Variants in LMO7 observed in about 807,000 individuals in gnomAD.
LMO7 encodes the protein LIM domain only protein 7.
A neutral mutation model predicts 206.5 loss-of-function variants in LMO7; 120 were observed. The ratio of observed to expected loss-of-function variants is 0.58; its 90% CI spans 0.50 to 0.68. The LOEUF is 0.68. Among genes scored for constraint, LMO7 ranks in the 30% least tolerant of loss-of-function variants. The probability of loss-of-function intolerance (pLI) is 0.00; values close to 1 mark genes in which losing one functional copy is unlikely to be tolerated. For synonymous variants in LMO7, 706 were observed against 681.5 expected (o/e 1.04, Z -0.56); for missense variants, 1,959 against 1,957.9 (o/e 1.00, Z -0.01).
intron 2 of LMO7, among the ~76,000 whole-genome samples, chr13:75,715,083 A>G (rs1368692728): frequency 6.6e-6 from 1 of 152,212 alleles, no homozygotes; most frequent in African/African-American, 2.4e-5. Context: ...TATTGCCCAT[A>G]ATATTTTAGG....
intron 2 of LMO7, among the ~76,000 whole-genome samples, chr13:75,626,340 G>A (rs1250107608): frequency 4.0e-5 from 6 of 151,662 alleles, no homozygotes; most frequent in Admixed American, 1.3e-4. Context: ...TCCTTACATG[G>A]TGGCAGCAAG....
At chr13:75,847,029 CAAA>C (rs34127474) in intron 26 of LMO7, among the ~76,000 whole-genome samples, 12 of 112,432 alleles carry the variant, frequency 1.1e-4, no homozygotes, top group Non-Finnish European at 1.1e-4. Flanking sequence ...GACTCTGTCT[CAAA>C]AAAAAAAAAA....
chr13:75,819,258 A>C (rs2057348298), intron 12 of LMO7, 135 bp from the exon 13 acceptor site: 1 of 1,104,078 alleles, frequency 9.1e-7, no homozygotes, highest in Admixed American at 2.9e-5. Flanking sequence ...TATAAAAAGC[A>C]AAATTAGGGC....
At chr13:75,738,048 T>G (rs1045798469) in intron 3 of LMO7, among the ~76,000 whole-genome samples, 1 of 151,986 alleles carries the variant, frequency 6.6e-6, no homozygotes, top group Admixed American at 6.6e-5. Context: ...GACAGTCGTC[T>G]TGGCCAAATG....
chr13:75,857,118 G>A (rs1299131753), intron 30 of LMO7: 1 of 152,196 alleles, frequency 6.6e-6, no homozygotes, highest in Non-Finnish European at 1.5e-5. Flanking sequence ...AATTTTAAAA[G>A]GAAAGTATTA....
chr13:75,632,146 A>G (rs2035031958), upstream of LMO7: 1 of 152,182 alleles, frequency 6.6e-6, no homozygotes, highest in African/African-American at 2.4e-5. Flanking sequence ...TATTGTTGTG[A>G]ATTTCATCTC....
intron 1 of LMO7, among the ~76,000 whole-genome samples, chr13:75,642,103 C>A (rs2036595396): frequency 6.6e-6 from 1 of 152,148 alleles, no homozygotes; most frequent in Non-Finnish European, 1.5e-5. Context: ...CTGATTTACA[C>A]AAATAGGAAC....
rs1335496859 is a variant in LMO7 at position 75,858,753 on chromosome 13, T to G, written c.*810T>G. The G allele has an allele frequency of 1.3e-5, 2 of 152,594 alleles. No individual in the cohort carries two copies. 9.5% of individuals were successfully genotyped at this position (152,594 alleles called of 1,614,324 possible). Reference sequence around the variant, plus strand: ...AGCCATATTTCAGTATGTGGCCTTTTTTGATGTTATGTTTTATCCAGTAGC... The same window carrying G: ...AGCCATATTTCAGTATGTGGCCTTTGTTGATGTTATGTTTTATCCAGTAGC... On this transcript the variant is annotated 3_prime_UTR_variant, in exon 31 of 31. Transcript: ENST00000377534.
chr13:75,796,619 A>AT lies in LMO7; in HGVS notation c.349-4dup, dbSNP rs11351364. 51,511 of 1,232,622 alleles carry AT rather than the reference A, an allele frequency of 0.042. 52 individuals are homozygous for AT. The highest frequency in any genetic ancestry group is 0.058 in the African/African-American group (3,811 of 65,996). 76.4% of individuals were successfully genotyped at this position (1,232,622 alleles called of 1,614,324 possible). A position where few individuals can be genotyped will look rare whatever the true frequency, so the allele number is the denominator to read the frequency against. On this transcript the variant is annotated splice_polypyrimidine_tract_variant and intron_variant, in intron 5 of 30. Transcript: ENST00000377534. Reference sequence around the variant, plus strand: ...AATCGACTGATCTTGTTGTTCATGGATTTTTTTTTTTTTAAGGTTTTGATA... The same window carrying AT: ...AATCGACTGATCTTGTTGTTCATGGATTTTTTTTTTTTTTAAGGTTTTGATA...
At chr13:75,670,889 A>G (rs2039502796) in intron 1 of LMO7, among the ~76,000 whole-genome samples, 1 of 151,534 alleles carries the variant, frequency 6.6e-6, no homozygotes, top group Admixed American at 6.6e-5. Context: ...ACACTTAAAA[A>G]CACATTGGCC....
Position 75,777,149 on chromosome 13 carries a change from G to A in LMO7, c.317+16111G>A, listed in dbSNP as rs924408044. Among the ~76,000 whole-genome samples, 13 of 151,804 alleles carry A rather than the reference G, an allele frequency of 8.6e-5. No individual in the cohort carries two copies. In the Middle Eastern group the frequency reaches 9.5e-3, roughly 111 times the overall value. On this transcript the variant is annotated intron_variant, in intron 4 of 30. Transcript: ENST00000377534. ...TCAGCTGGCAATGGACTTGAATGAG[G>A]ACACTGTTTTATTTCTTTTTTTTCT...
chr13:75,758,910 T>G (rs748182047), intron 3 of LMO7, among the ~76,000 whole-genome samples: 1 of 152,216 alleles, frequency 6.6e-6, no homozygotes, highest in Non-Finnish European at 1.5e-5. Context: ...ATATGAGACT[T>G]GCATCCTGTG....
At chr13:75,783,617 C>T (rs147967708) in intron 4 of LMO7, among the ~76,000 whole-genome samples, 113 of 152,306 alleles carry the variant, frequency 7.4e-4, no homozygotes, top group Middle Eastern at 6.8e-3. Flanking sequence ...GCCAACCTAC[C>T]GGGCCAGATA....
intron 4 of LMO7, among the ~76,000 whole-genome samples, chr13:75,765,211 G>T (rs2048692837): frequency 6.6e-6 from 1 of 152,044 alleles, no homozygotes; most frequent in African/African-American, 2.4e-5. Context: ...TGGGCTTGAG[G>T]TATGTAAGTG....
intron 28 of LMO7, 57 bp from the exon 29 acceptor site, chr13:75,855,200 AAAG>A (rs1230201208): frequency 3.0e-6 from 3 of 984,240 alleles, no homozygotes; most frequent in East Asian, 4.8e-5. Context: ...TGTGACTTTT[AAAG>A]AAGAATCTTG....
intron 2 of LMO7, among the ~76,000 whole-genome samples, chr13:75,718,488 A>G (rs1201336244): frequency 6.6e-6 from 1 of 152,146 alleles, no homozygotes; most frequent in African/African-American, 2.4e-5. Flanking sequence ...AGACTTTTTA[A>G]AAGAACAGTT....
At chr13:75,735,565 G>A (rs1469678870) in intron 3 of LMO7, among the ~76,000 whole-genome samples, 3 of 152,094 alleles carry the variant, frequency 2.0e-5, no homozygotes, top group East Asian at 1.9e-4. Context: ...GGGTTGAAGC[G>A]ATTCCCCTGC....
chr13:75,807,661 AATG>A lies in LMO7; in HGVS notation c.1384_1386del (p.Asp462del). 1 of 1,614,002 alleles carries A rather than the reference AATG, an allele frequency of 6.2e-7. No individual in the cohort carries two copies. The highest frequency in any genetic ancestry group is 1.1e-5 in the South Asian group (1 of 91,084). On this transcript the variant is annotated inframe_deletion, in exon 10 of 31. Coordinates refer to ENST00000377534, the MANE Select transcript of LMO7 (RefSeq NM_001306080.2). ...GGCAGCCCTGGATCCTGACTTAGAG[AATG>A]ATGATTTCTTTGTCAGAAAGACTGG...
chr13:75,839,970 C>G (rs2059441935), intron 20 of LMO7, 115 bp from the exon 21 acceptor site: 1 of 902,434 alleles, frequency 1.1e-6, no homozygotes, highest in African/African-American at 1.7e-5. Context: ...AACATTGTCA[C>G]TTAGTATACT....
Sources: gnomAD v4.1 joint callset for allele counts (sites outside exome capture counted in the v4.1 genomes callset) on GRCh38, gnomAD v4.1.1 for gene constraint, MANE v1.5 for transcripts, NCBI Gene and HGNC (gene_info 2026-07-23, HGNC 2026-07-21) for gene names.